Variants in ZNF875 observed in about 807,000 individuals in gnomAD.
The protein encoded by ZNF875 is HKR1, GLI-Kruppel zinc finger family member.
ZNF875 carries 14 observed loss-of-function variants against 11.2 expected under a neutral mutation model. That is an observed-to-expected ratio of 1.26 (90% CI 0.83 to 1.96). ZNF875 has a LOEUF of 1.96. Among genes scored for constraint, ZNF875 ranks in the 30% most tolerant of loss-of-function variants. The pLI is 0.00. For synonymous variants in ZNF875, 301 were observed against 281.1 expected (o/e 1.07, Z -0.71); for missense variants, 752 against 760.4 (o/e 0.99, Z 0.13).
chr19:37,358,370 C>T (rs571047944), intron 4 of ZNF875, among the ~76,000 whole-genome samples: 3 of 151,600 alleles, frequency 2.0e-5, no homozygotes, highest in South Asian at 2.1e-4. Context: ...CTCCTGACCT[C>T]GTGATCCGCC....
upstream of ZNF875, among the ~76,000 whole-genome samples, chr19:37,330,405 C>T (rs1381595931): frequency 6.6e-6 from 1 of 152,184 alleles, no homozygotes; most frequent in African/African-American, 2.4e-5. Flanking sequence ...GGTTGCCTGT[C>T]ACCTTTTACA....
At chr19:37,330,424 G>C (rs2033198733), upstream of ZNF875, among the ~76,000 whole-genome samples, 1 of 152,152 alleles carries the variant, frequency 6.6e-6, no homozygotes. Flanking sequence ...CACCTAGCCT[G>C]ATCCTTGTGC....
chr19:37,338,566 C>T (rs1053404909), intron 2 of ZNF875, among the ~76,000 whole-genome samples: 3 of 151,748 alleles, frequency 2.0e-5, no homozygotes, highest in Non-Finnish European at 4.4e-5. Context: ...GGAACTGCCT[C>T]CTGTATATAA....
At chr19:37,355,335 G>T (rs1229886441) in intron 4 of ZNF875, among the ~76,000 whole-genome samples, 1 of 152,038 alleles carries the variant, frequency 6.6e-6, no homozygotes, top group Non-Finnish European at 1.5e-5. Context: ...GATTACAGGT[G>T]CACGCCACCA....
Position 37,362,196 on chromosome 19 carries a change from ATCTC to A in ZNF875, c.349_352del (p.Gln118CysfsTer50). The stretch of plus-strand genomic sequence containing the variant: ...CTCAGCCAACATGTGTGGCTGAGTC[ATCTC>A]TCTCAGCTGTTTTCAAGTTTATGGG... On this transcript the variant is annotated frameshift_variant, in exon 5 of 5. Transcript: ENST00000392153. LOFTEE classifies it low-confidence loss of function (END_TRUNC). 1 of 1,614,104 alleles carries A rather than the reference ATCTC, an allele frequency of 6.2e-7. No individual in the cohort carries two copies. Among genetic ancestry groups the A allele is most frequent in the African/African-American group, 1.3e-5 (1 of 75,036 alleles).
chr19:37,336,702 A>C (rs1327058091), intron 2 of ZNF875, among the ~76,000 whole-genome samples: 3 of 148,766 alleles, frequency 2.0e-5, no homozygotes, highest in Non-Finnish European at 4.4e-5. Flanking sequence ...AGGTCAGGAG[A>C]TGGAGACCAT....
intron 1 of ZNF875, among the ~76,000 whole-genome samples, chr19:37,320,750 T>C (rs1215441020): frequency 6.6e-6 from 1 of 152,176 alleles, no homozygotes; most frequent in East Asian, 1.9e-4. Context: ...TCCCTACATG[T>C]AGTGTTTCCA....
Position 37,334,699 on chromosome 19 carries a change from C to T in ZNF875, c.-140C>T. 1 of 456,068 alleles carries T rather than the reference C, an allele frequency of 2.2e-6. No individual in the cohort carries two copies. 28.3% of individuals were successfully genotyped at this position (456,068 alleles called of 1,614,324 possible). On this transcript the variant is annotated 5_prime_UTR_variant, in exon 1 of 5. Transcript: ENST00000392153. ...TTAAGCTGGTTGGGACCCGGGAAGG[C>T]CTCCCTCTTAAGGTCTTTCCCACAC...
intron 1 of ZNF875, among the ~76,000 whole-genome samples, chr19:37,320,019 C>G (rs1024828376): frequency 1.3e-5 from 2 of 152,176 alleles, no homozygotes; most frequent in Admixed American, 6.5e-5. Context: ...CTCCCAGTAG[C>G]TGGGACTACA....
upstream of ZNF875, among the ~76,000 whole-genome samples, chr19:37,332,312 A>G (rs1568573629): frequency 6.6e-6 from 1 of 150,748 alleles, no homozygotes; most frequent in Non-Finnish European, 1.5e-5. Context: ...TTCTTTTCCA[A>G]ATCTCTCGTC....
chr19:37,321,565 C>A (rs2031459933), intron 1 of ZNF875, among the ~76,000 whole-genome samples: 1 of 152,162 alleles, frequency 6.6e-6, no homozygotes, highest in Non-Finnish European at 1.5e-5. Context: ...GAGCGCCAGT[C>A]CCCTGGGCCC....
intron 2 of ZNF875, chr19:37,346,924 C>T (rs554246951): frequency 5.6e-5 from 19 of 339,950 alleles, no homozygotes; most frequent in Non-Finnish European, 7.3e-5. Flanking sequence ...AGTGCAATGG[C>T]GCAATCTCGG....
intron 2 of ZNF875, among the ~76,000 whole-genome samples, chr19:37,343,794 G>T (rs1211324710): frequency 1.3e-5 from 2 of 152,116 alleles, no homozygotes; most frequent in African/African-American, 4.8e-5. Flanking sequence ...GTAGAAACAG[G>T]GAGGCATGAT....
chr19:37,320,980 A>G (rs548062634), intron 1 of ZNF875, among the ~76,000 whole-genome samples: 4 of 152,346 alleles, frequency 2.6e-5, no homozygotes, highest in South Asian at 2.1e-4. Context: ...ATTTAGGGCT[A>G]TGCAGGATGT....
At position 37,353,160 on chromosome 19, in the gene ZNF875, C is replaced by T. The variant is rs184207642; in HGVS notation, c.256+5288C>T. ...AAGTGTTCAGATTACAGGCGTGAGCCACCGCGCCCGGCTCCTTTTTCGATC... is the reference window on the plus strand; with the variant it reads ...AAGTGTTCAGATTACAGGCGTGAGCTACCGCGCCCGGCTCCTTTTTCGATC... On this transcript the variant is annotated intron_variant, in intron 4 of 4. Transcript: ENST00000392153. Among the ~76,000 whole-genome samples the T allele has an allele frequency of 2.0e-3, 302 of 152,282 alleles. 8 individuals carry two copies. Among genetic ancestry groups the T allele is most frequent in the Admixed American group, 0.019 (286 of 15,288 alleles).
At chr19:37,348,842 T>A (rs2037324381) in intron 4 of ZNF875, among the ~76,000 whole-genome samples, 1 of 152,192 alleles carries the variant, frequency 6.6e-6, no homozygotes, top group Non-Finnish European at 1.5e-5. Flanking sequence ...ACCTGGTCAG[T>A]CTGACAAGGT....
At chr19:37,347,045 G>A (rs769787536) in intron 2 of ZNF875, 145 bp from the exon 3 acceptor site, 14 of 921,080 alleles carry the variant, frequency 1.5e-5, no homozygotes, top group Middle Eastern at 3.0e-4. Context: ...TCAAACTCTC[G>A]ACCTCAGGTG....
chr19:37,324,141 C>T (rs1193711199), intron 3 of ZNF875: 1 of 152,126 alleles, frequency 6.6e-6, no homozygotes, highest in Non-Finnish European at 1.5e-5. Context: ...CTGCGGAGAA[C>T]GTTTACTAAC....
chr19:37,319,247 T>C (rs1382189081), intron 1 of ZNF875, among the ~76,000 whole-genome samples: 1 of 150,362 alleles, frequency 6.7e-6, no homozygotes, highest in African/African-American at 2.5e-5. Flanking sequence ...GGTTTCTTCA[T>C]GTTGGTCAAG....
Sources: gnomAD v4.1 joint callset for allele counts (sites outside exome capture counted in the v4.1 genomes callset) on GRCh38, gnomAD v4.1.1 for gene constraint, MANE v1.5 for transcripts, NCBI Gene and HGNC (gene_info 2026-07-23, HGNC 2026-07-21) for gene names.